Variants in TNR observed in about 807,000 individuals in gnomAD.
TNR encodes the protein tenascin-R.
TNR carries 45 observed loss-of-function variants against 150.4 expected under a neutral mutation model. The observed-to-expected ratio is 0.30, with a 90% CI of 0.24 to 0.38. The LOEUF (loss-of-function observed/expected upper bound fraction) is 0.38, where lower values mean the gene tolerates loss of function less well. TNR is among the 10% of genes least tolerant of loss of function. TNR has a pLI of 1.00. For synonymous variants in TNR, 687 were observed against 678.4 expected (o/e 1.01, Z -0.20); for missense variants, 1,544 against 1,759.1 (o/e 0.88, Z 2.19).
chr1:175,367,253 T>C lies in TNR; in HGVS notation c.2008A>G (p.Met670Val), dbSNP rs1651888516. The C allele has an allele frequency of 6.2e-7, 1 of 1,614,178 alleles. No homozygotes were observed. Among genetic ancestry groups the C allele is most frequent in the Non-Finnish European group, 8.5e-7 (1 of 1,180,004 alleles). Reference protein sequence around the residue: ...TEYGVGISAVMNSQQSVPATM... With the variant: ...TEYGVGISAVVNSQQSVPATM... ...GCTGGCACGCTTTGCTGTGAGTTCA[T>C]GACGGCAGATATTCCAACTCCATAC... is the stretch of plus-strand genomic sequence containing the variant. Residue 670 changes from methionine to valine, a missense_variant, in exon 10 of 23, where the codon ATG (methionine) becomes GTG (valine). By Grantham distance (21) the Met-to-Val change is conservative (BLOSUM62 1). Around this residue, in one of 2 missense-constraint regions of TNR, gnomAD observed 1,254 missense variants for 1,329.4 expected, o/e 0.94. Transcript: ENST00000367674.
intron 1 of TNR, among the ~76,000 whole-genome samples, chr1:175,622,414 T>A (rs1161989031): frequency 6.6e-6 from 1 of 152,228 alleles, no homozygotes. Context: ...TCTGGCCACA[T>A]TGCTTTTCAT....
chr1:175,375,827 T>C (rs1652351804), intron 9 of TNR, among the ~76,000 whole-genome samples: 1 of 152,198 alleles, frequency 6.6e-6, no homozygotes, highest in Non-Finnish European at 1.5e-5. Context: ...TGAATGGGTA[T>C]TGAGTGCTTA....
At chr1:175,438,129 A>G (rs1020785790) in intron 2 of TNR, among the ~76,000 whole-genome samples, 13 of 152,238 alleles carry the variant, frequency 8.5e-5, no homozygotes, top group Non-Finnish European at 1.9e-4. Context: ...AAAATCCTCA[A>G]TAAAATACTG....
At position 175,326,471 on chromosome 1, in the gene TNR, G is replaced by A. The variant is rs544376278; in HGVS notation, c.3794-1952C>T. Among the ~76,000 whole-genome samples the A allele has an allele frequency of 1.4e-4, 22 of 152,136 alleles. No individual in the cohort carries two copies. The South Asian group carries it at 2.9e-3, about 20-fold the overall frequency. On this transcript the variant is annotated intron_variant, in intron 21 of 22. Transcript: ENST00000367674. The stretch of plus-strand genomic sequence containing the variant: ...CCTTTATTTTATAGGGAAGGCTGAC[G>A]CCCTCACTGGGGAGGCCCTAACTCA...
rs571287735 is a variant in TNR, at chr1:175,668,171, G to A, written c.-165+75055C>T. Among the ~76,000 whole-genome samples, 18 of 152,250 alleles carry A rather than the reference G, an allele frequency of 1.2e-4. No homozygotes were observed. The South Asian group carries it at 3.7e-3, about 32-fold the overall frequency. On this transcript the variant is annotated intron_variant, in intron 1 of 22. Coordinates refer to ENST00000367674, the MANE Select transcript of TNR (RefSeq NM_003285.3). ...TCCTGCCTTGTAGAAATGGGACCTG[G>A]GGGCATCTCTTGTGTACCATCTACC...
chr1:175,426,201 C>T (rs138801289), intron 2 of TNR, among the ~76,000 whole-genome samples: 229 of 152,234 alleles, frequency 1.5e-3, no homozygotes, highest in African/African-American at 5.3e-3. Context: ...CTGGAGAGGA[C>T]ACTTTTATGG....
intron 1 of TNR, among the ~76,000 whole-genome samples, chr1:175,579,826 T>G (rs1165119539): frequency 6.6e-6 from 1 of 152,092 alleles, no homozygotes; most frequent in Non-Finnish European, 1.5e-5. Context: ...ACTTCTATTC[T>G]GATCCCCAGG....
intron 2 of TNR, among the ~76,000 whole-genome samples, chr1:175,453,277 A>G (rs113535362): frequency 7.9e-5 from 12 of 152,184 alleles, no homozygotes; most frequent in African/African-American, 2.9e-4. Context: ...ATGATTGGTG[A>G]CGTGTTTTGG....
chr1:175,656,628 C>T (rs1213063412), intron 1 of TNR: 1 of 152,550 alleles, frequency 6.6e-6, no homozygotes, highest in Non-Finnish European at 1.5e-5. Context: ...GGGAGTGTCA[C>T]TGGAGGAGAT....
intron 1 of TNR, among the ~76,000 whole-genome samples, chr1:175,570,837 G>A (rs970054486): frequency 6.6e-6 from 1 of 152,074 alleles, no homozygotes; most frequent in Non-Finnish European, 1.5e-5. Flanking sequence ...TTTCCATAAT[G>A]TTTTTTCTCC....
chr1:175,329,120 A>G lies in TNR; in HGVS notation c.3793+954T>C, dbSNP rs552972433. Among the ~76,000 whole-genome samples the G allele has an allele frequency of 7.2e-5, 11 of 152,324 alleles. No individual in the cohort carries two copies. In the East Asian group the frequency reaches 1.5e-3, roughly 21 times the overall value. ...CTCTTTGGAGTATCTGGCTAAGAAG[A>G]GAAATAATTGAACAGATGCAGTAAC... On this transcript the variant is annotated intron_variant, in intron 21 of 22. Coordinates refer to ENST00000367674, the MANE Select transcript of TNR (RefSeq NM_003285.3).
intron 1 of TNR, among the ~76,000 whole-genome samples, chr1:175,695,592 T>C (rs1226460994): frequency 1.3e-5 from 2 of 152,186 alleles, no homozygotes; most frequent in African/African-American, 4.8e-5. Context: ...CAGCCTCATT[T>C]CCTCTCTTGC....
At chr1:175,582,583 G>A (rs1662394411) in intron 1 of TNR, among the ~76,000 whole-genome samples, 2 of 152,190 alleles carry the variant, frequency 1.3e-5, no homozygotes, top group African/African-American at 4.8e-5. Flanking sequence ...AACCCTGGGA[G>A]AGGGGGTGGT....
intron 2 of TNR, among the ~76,000 whole-genome samples, chr1:175,420,940 G>A (rs1654723410): frequency 6.6e-6 from 1 of 152,106 alleles, no homozygotes; most frequent in Admixed American, 6.6e-5. Context: ...AAATAATAAA[G>A]GTGCAGGTTT....
intron 1 of TNR, among the ~76,000 whole-genome samples, chr1:175,667,665 G>A (rs1467438539): frequency 6.6e-6 from 1 of 152,198 alleles, no homozygotes; most frequent in East Asian, 1.9e-4. Flanking sequence ...ATTGTCGGGA[G>A]CAGCTGATGT....
Position 175,338,470 on chromosome 1 carries a change from C to T in TNR, c.3383-791G>A, listed in dbSNP as rs116776198. Among the ~76,000 whole-genome samples, 649 of 152,262 alleles carry T rather than the reference C, an allele frequency of 4.3e-3. 3 individuals carry two copies. Among genetic ancestry groups the T allele is most frequent in the African/African-American group, 0.015 (635 of 41,542 alleles). On this transcript the variant is annotated intron_variant, in intron 18 of 22. Transcript: ENST00000367674. ...GCAAGCCAAGAAGCAGAAAGCCCAC[C>T]GGAGGAGCTTTTCTGAACTGCAGGA...
intron 1 of TNR, among the ~76,000 whole-genome samples, chr1:175,562,865 G>C (rs990790563): frequency 4.6e-5 from 7 of 152,220 alleles, no homozygotes; most frequent in Admixed American, 4.6e-4. Context: ...ATGATAACCT[G>C]AGGTATTGGC....
chr1:175,559,157 A>T (rs1275738060), intron 1 of TNR, among the ~76,000 whole-genome samples: 1 of 152,248 alleles, frequency 6.6e-6, no homozygotes, highest in Admixed American at 6.5e-5. Flanking sequence ...TCTATGGGGA[A>T]TGAAGAGAAA....
chr1:175,414,780 C>G (rs1207163497), intron 2 of TNR, among the ~76,000 whole-genome samples: 1 of 152,194 alleles, frequency 6.6e-6, no homozygotes, highest in Non-Finnish European at 1.5e-5. Flanking sequence ...ATGACCTCCT[C>G]TGACTTTTGA....
Sources: gnomAD v4.1 joint callset for allele counts (sites outside exome capture counted in the v4.1 genomes callset) on GRCh38, gnomAD v4.1.1 for gene constraint, gnomAD v4.1.1 regional missense constraint, MANE v1.5 for transcripts, NCBI Gene and HGNC (gene_info 2026-07-23, HGNC 2026-07-21) for gene names.